Variants in SDK1 observed in about 807,000 individuals in gnomAD.
SDK1 encodes the protein protein sidekick-1.
SDK1 carries 157 observed loss-of-function variants against 245.5 expected under a neutral mutation model. That is an observed-to-expected ratio of 0.64 (90% CI 0.56 to 0.73). SDK1 has a LOEUF of 0.73. SDK1 is among the 30% of genes least tolerant of loss of function. The pLI is 0.00. For synonymous variants in SDK1, 1,647 were observed against 1,278.5 expected, an observed-to-expected ratio of 1.29 and a Z score of -6.15; for missense variants, 3,583 against 3,002.3, an observed-to-expected ratio of 1.19 and a Z score of -4.52.
At chr7:3,514,414 G>A (rs1259469150) in intron 1 of SDK1, among the ~76,000 whole-genome samples, 1 of 152,146 alleles carries the variant, frequency 6.6e-6, no homozygotes, top group Non-Finnish European at 1.5e-5. Flanking sequence ...TACTGTTTTT[G>A]ATAGAAAATC....
intron 1 of SDK1, among the ~76,000 whole-genome samples, chr7:3,540,430 G>C (rs1276814478): frequency 2.0e-5 from 3 of 152,190 alleles, no homozygotes; most frequent in Non-Finnish European, 2.9e-5. Context: ...GAAGAGGCCT[G>C]GGTTGCTGGG....
chr7:3,750,833 C>T (rs1309922422), intron 4 of SDK1, among the ~76,000 whole-genome samples: 2 of 152,190 alleles, frequency 1.3e-5, no homozygotes, highest in African/African-American at 2.4e-5. Flanking sequence ...ATCTCTAATC[C>T]TGCCATGTCT....
intron 4 of SDK1, among the ~76,000 whole-genome samples, chr7:3,658,505 T>C (rs1783257212): frequency 6.6e-6 from 1 of 152,088 alleles, no homozygotes. Flanking sequence ...AAAAACTTTA[T>C]TGAGATGTAA....
At chr7:3,858,181 C>T (rs1013369562) in intron 5 of SDK1, among the ~76,000 whole-genome samples, 1 of 152,090 alleles carries the variant, frequency 6.6e-6, no homozygotes, top group Non-Finnish European at 1.5e-5. Context: ...GGCTACACCT[C>T]CAAGATACGT....
chr7:3,402,662 G>C (rs1778921503), intron 1 of SDK1, among the ~76,000 whole-genome samples: 1 of 151,986 alleles, frequency 6.6e-6, no homozygotes, highest in African/African-American at 2.4e-5. Context: ...CCATTTTTGA[G>C]GTGTTTAAAT....
At chr7:3,992,664 C>T (rs1784430342) in intron 14 of SDK1, among the ~76,000 whole-genome samples, 1 of 152,110 alleles carries the variant, frequency 6.6e-6, no homozygotes, top group African/African-American at 2.4e-5. Flanking sequence ...TATTATGATC[C>T]TGTGGAGGGA....
chr7:3,866,591 A>G (rs372409425), intron 5 of SDK1, among the ~76,000 whole-genome samples: 72 of 152,256 alleles, frequency 4.7e-4, no homozygotes, highest in African/African-American at 1.7e-3. Context: ...AGAACAGTGC[A>G]TGCACGCACT....
chr7:4,075,529 T>C (rs1474828207), intron 20 of SDK1, among the ~76,000 whole-genome samples: 1 of 152,184 alleles, frequency 6.6e-6, no homozygotes, highest in African/African-American at 2.4e-5. Flanking sequence ...TTCTTTTGCC[T>C]GTGGACCTAT....
chr7:3,563,800 T>C (rs1779822677), intron 1 of SDK1, among the ~76,000 whole-genome samples: 1 of 152,162 alleles, frequency 6.6e-6, no homozygotes, highest in African/African-American at 2.4e-5. Context: ...TATTATGCCA[T>C]ATAAGAAGCC....
At chr7:4,033,979 C>G (rs986903730) in intron 17 of SDK1, among the ~76,000 whole-genome samples, 1 of 152,048 alleles carries the variant, frequency 6.6e-6, no homozygotes, top group Non-Finnish European at 1.5e-5. Flanking sequence ...CGGAGTAACT[C>G]GACCCTGGAG....
chr7:3,532,839 T>C (rs1783394769), intron 1 of SDK1, among the ~76,000 whole-genome samples: 1 of 152,030 alleles, frequency 6.6e-6, no homozygotes, highest in South Asian at 2.1e-4. Flanking sequence ...TCTTGTCACA[T>C]GGCCCTCTTT....
At chr7:3,671,756 G>A (rs1348183832) in intron 4 of SDK1, among the ~76,000 whole-genome samples, 1 of 152,122 alleles carries the variant, frequency 6.6e-6, no homozygotes, top group Non-Finnish European at 1.5e-5. Context: ...TTTTTGGTGA[G>A]TTTTATAATG....
chr7:3,527,521 C>T (rs1783182443), intron 1 of SDK1, among the ~76,000 whole-genome samples: 1 of 152,160 alleles, frequency 6.6e-6, no homozygotes, highest in African/African-American at 2.4e-5. Context: ...GCAAGAAGGT[C>T]AGAGTGCCTG....
intron 25 of SDK1, among the ~76,000 whole-genome samples, chr7:4,122,508 G>A (rs560229808): frequency 1.2e-3 from 187 of 152,272 alleles, no homozygotes; most frequent in Non-Finnish European, 2.2e-3. Context: ...CTGAAAACAC[G>A]CAGAGAACAC....
rs148339952 is a variant in SDK1, at chr7:3,906,399, T to TGA, written c.848-44509_848-44508dup. 3.8e-3 allele frequency among the ~76,000 whole-genome samples: 563 copies of TGA among 150,014 alleles called. 2 individuals are homozygous for TGA. Among genetic ancestry groups the TGA allele is most frequent in the African/African-American group, 0.011 (466 of 40,858 alleles). Reference sequence around the variant, plus strand: ...GTATGCGTATGTGTGTGTGTGTGTGTGAGAGAGAGAGAGAGACAGAGAGCG... The same window carrying TGA: ...GTATGCGTATGTGTGTGTGTGTGTGTGAGAGAGAGAGAGAGAGACAGAGAGCG... On this transcript the variant is annotated intron_variant, in intron 5 of 44. Coordinates refer to ENST00000404826, the MANE Select transcript of SDK1 (RefSeq NM_152744.4).
At chr7:4,114,830 C>T (rs891215825) in intron 25 of SDK1, among the ~76,000 whole-genome samples, 4 of 152,084 alleles carry the variant, frequency 2.6e-5, no homozygotes, top group Non-Finnish European at 5.9e-5. Context: ...CCTTCTGCAC[C>T]CAGCTGCCAG....
chr7:3,982,826 C>T (rs1182463774), intron 13 of SDK1, among the ~76,000 whole-genome samples: 5 of 148,382 alleles, frequency 3.4e-5, no homozygotes, highest in Non-Finnish European at 7.4e-5. Context: ...GGCGACAGAG[C>T]GAGACAACAT....
At position 3,345,645 on chromosome 7, in the gene SDK1, C is replaced by T. The variant is rs898340500; in HGVS notation, c.298+43761C>T. Among the ~76,000 whole-genome samples the T allele has an allele frequency of 3.9e-5, 6 of 152,226 alleles. No individual in the cohort carries two copies. The South Asian group carries it at 1.2e-3, about 32-fold the overall frequency. ...GGGCTTGTAACATGTTTTCAGAAAC[C>T]CAAATTCCAGGATGGTGGCACGGCT... On this transcript the variant is annotated intron_variant, in intron 1 of 44. Coordinates refer to ENST00000404826, the MANE Select transcript of SDK1 (RefSeq NM_152744.4).
intron 1 of SDK1, among the ~76,000 whole-genome samples, chr7:3,303,394 T>G (rs1779333913): frequency 6.6e-6 from 1 of 152,224 alleles, no homozygotes. Context: ...ATTTGAAGAT[T>G]GGTGCACAGA....
Sources: allele counts gnomAD v4.1 joint callset (sites outside exome capture counted in the v4.1 genomes callset), GRCh38; gene constraint gnomAD v4.1.1; transcripts MANE v1.5; gene names NCBI Gene and HGNC (gene_info 2026-07-23, HGNC 2026-07-21).